The following ARHGAP12 variants were observed in gnomAD, a reference collection of about 807,000 sequenced individuals.
ARHGAP12 encodes rho GTPase-activating protein 12.
A neutral mutation model predicts 108.6 loss-of-function variants in ARHGAP12; 64 were observed. The observed-to-expected ratio is 0.59, with a 90% confidence interval of 0.48 to 0.73. ARHGAP12 has a LOEUF of 0.73. Among genes scored for constraint, ARHGAP12 ranks in the 30% least tolerant of loss-of-function variants. The pLI, the probability that ARHGAP12 is intolerant of heterozygous loss-of-function variation, is 0.00. For synonymous variants in ARHGAP12, 312 were observed against 337.2 expected (o/e 0.93, Z 0.82); for missense variants, 940 against 1,005.9 (o/e 0.93, Z 0.89).
chr10:31,820,545 C>A, intron 11 of ARHGAP12, 57 bp from the exon 12 acceptor site: 1 of 976,684 alleles, frequency 1.0e-6, no homozygotes, highest in South Asian at 2.2e-5. Context: ...TATGTGTATT[C>A]AAAAATAATT....
At chr10:31,859,249 G>A (rs767845160) in intron 4 of ARHGAP12, among the ~76,000 whole-genome samples, 4 of 152,142 alleles carry the variant, frequency 2.6e-5, no homozygotes, top group South Asian at 2.1e-4. Flanking sequence ...AGCCCTTACC[G>A]TGTATAGGCA....
chr10:31,914,501 T>C (rs998207171), intron 1 of ARHGAP12, among the ~76,000 whole-genome samples: 2 of 151,138 alleles, frequency 1.3e-5, no homozygotes, highest in Non-Finnish European at 2.9e-5. Flanking sequence ...AAATAAATGT[T>C]CTTCAAAAGA....
At chr10:31,822,078 C>CCA (rs1835437535) in intron 11 of ARHGAP12, among the ~76,000 whole-genome samples, 1 of 147,958 alleles carries the variant, frequency 6.8e-6, no homozygotes, top group African/African-American at 2.6e-5. Context: ...ACATGGAATG[C>CCA]TAAAAAAAAA....
Position 31,812,566 on chromosome 10 carries a change from A to C in ARHGAP12, c.1951+141T>G, listed in dbSNP as rs913901605. 1.5e-5 allele frequency: 8 copies of C among 526,946 alleles called. No homozygotes were observed. The African/African-American group carries it at 1.6e-4, about 10-fold the overall frequency. 32.6% of individuals were successfully genotyped at this position (526,946 alleles called of 1,614,324 possible). On this transcript the variant is annotated intron_variant, in intron 15 of 19. Coordinates refer to ENST00000344936, the MANE Select transcript of ARHGAP12 (RefSeq NM_018287.7). ...TCAAAAAAACTATTTTAATTACTTA[A>C]TGTCTTTTAATCACTGTACTTGAAT...
intron 19 of ARHGAP12, among the ~76,000 whole-genome samples, chr10:31,808,118 A>T (rs1834885194): frequency 6.6e-6 from 1 of 152,184 alleles, no homozygotes; most frequent in Non-Finnish European, 1.5e-5. Flanking sequence ...TATGAGTTAC[A>T]ATTCAGGTAA....
At chr10:31,840,932 T>C (rs190516861) in intron 7 of ARHGAP12, among the ~76,000 whole-genome samples, 63 of 152,268 alleles carry the variant, frequency 4.1e-4, no homozygotes, top group African/African-American at 1.4e-3. Context: ...CACTTAAGTA[T>C]TTTTTTCTGA....
At chr10:31,921,963 G>A (rs1839833261) in intron 1 of ARHGAP12, among the ~76,000 whole-genome samples, 1 of 151,400 alleles carries the variant, frequency 6.6e-6, no homozygotes, top group African/African-American at 2.4e-5. Flanking sequence ...GCCAAGGCAG[G>A]CAGATCATCT....
chr10:31,811,637 A>G (rs1835023747), intron 15 of ARHGAP12, among the ~76,000 whole-genome samples: 1 of 150,638 alleles, frequency 6.6e-6, no homozygotes, highest in Non-Finnish European at 1.5e-5. Context: ...TTAATCAGCT[A>G]GTCTCTTCCT....
intron 3 of ARHGAP12, among the ~76,000 whole-genome samples, chr10:31,874,974 A>T (rs978526709): frequency 1.7e-3 from 18 of 10,580 alleles, no homozygotes; most frequent in African/African-American, 6.7e-3. Flanking sequence ...ACTCTGTCTC[A>T]AAAAAAAAAA....
chr10:31,919,791 C>CA (rs1007502598), intron 1 of ARHGAP12, among the ~76,000 whole-genome samples: 2,032 of 122,600 alleles, frequency 0.017, 46 homozygotes, highest in African/African-American at 0.053. Context: ...GACTCCATTT[C>CA]AAAAAAAAAA....
intron 3 of ARHGAP12, among the ~76,000 whole-genome samples, chr10:31,898,330 T>A (rs1265142839): frequency 1.3e-5 from 2 of 152,198 alleles, no homozygotes; most frequent in East Asian, 3.8e-4. Context: ...ACGTCATTAA[T>A]CATGAGGCAA....
At chr10:31,814,440 C>G in intron 13 of ARHGAP12, 79 bp from the exon 14 acceptor site, 1 of 1,170,130 alleles carries the variant, frequency 8.5e-7, no homozygotes, top group Non-Finnish European at 1.3e-6. Context: ...CTCACAATGA[C>G]TATTGTAAAT....
chr10:31,887,293 ATTACAGAGGGTAATCTGC>A (rs1181118731), intron 3 of ARHGAP12, among the ~76,000 whole-genome samples: 1 of 152,164 alleles, frequency 6.6e-6, no homozygotes, highest in Non-Finnish European at 1.5e-5. Context: ...GCCCACCCAC[ATTACAGAGGGTAATCTGC>A]TTTACTCAAA....
chr10:31,809,358 C>A, intron 16 of ARHGAP12, 51 bp from the exon 17 acceptor site: 1 of 1,530,840 alleles, frequency 6.5e-7, no homozygotes, highest in Non-Finnish European at 9.0e-7. Flanking sequence ...TACTTCTTTG[C>A]CTCTTCTGAA....
In ARHGAP12 at chr10:31,818,136, C is replaced by T. The variant is rs114348522; in HGVS notation, c.1633-250G>A. ...TCACAAAAATCTAATAATTTAGGAT[C>T]CCAAACACCATCACACAAATGCCAT... On this transcript the variant is annotated intron_variant, in intron 12 of 19. Transcript: ENST00000344936. Among the ~76,000 whole-genome samples the T allele has an allele frequency of 4.9e-3, 748 of 152,246 alleles. 3 individuals are homozygous for T. The highest frequency in any genetic ancestry group is 0.017 in the African/African-American group (716 of 41,538).
chr10:31,917,474 T>C (rs1415562646), intron 1 of ARHGAP12, among the ~76,000 whole-genome samples: 1 of 152,202 alleles, frequency 6.6e-6, no homozygotes, highest in African/African-American at 2.4e-5. Context: ...TTCGATCTCC[T>C]AACAACTTAT....
At chr10:31,919,604 C>G (rs1007970877) in intron 1 of ARHGAP12, among the ~76,000 whole-genome samples, 1 of 144,880 alleles carries the variant, frequency 6.9e-6, no homozygotes, top group Non-Finnish European at 1.5e-5. Flanking sequence ...CATCCTGGCT[C>G]CCACGGTGAA....
chr10:31,901,835 T>C (rs917132458), intron 3 of ARHGAP12, among the ~76,000 whole-genome samples: 2 of 152,162 alleles, frequency 1.3e-5, no homozygotes, highest in African/African-American at 4.8e-5. Flanking sequence ...CACTCCTATC[T>C]TGAAGGCCAG....
chr10:31,926,630 AG>A (rs1410390878), intron 1 of ARHGAP12, among the ~76,000 whole-genome samples: 1 of 152,226 alleles, frequency 6.6e-6, no homozygotes, highest in Non-Finnish European at 1.5e-5. Flanking sequence ...ACCACTATTT[AG>A]TTTTTACTCC....
Sources: allele counts gnomAD v4.1 joint callset (sites outside exome capture counted in the v4.1 genomes callset), GRCh38; gene constraint gnomAD v4.1.1; transcripts MANE v1.5; gene names NCBI Gene and HGNC (gene_info 2026-07-23, HGNC 2026-07-21).